Variants in FHIT observed in about 807,000 individuals in gnomAD.
FHIT encodes fragile histidine triad diadenosine triphosphatase, also known as bis(5'-adenosyl)-triphosphatase.
A neutral mutation model predicts 17.9 loss-of-function variants in FHIT; 19 were observed. The ratio of observed to expected loss-of-function variants is 1.06; its 90% CI spans 0.74 to 1.56. FHIT has a LOEUF of 1.56. Among genes scored for constraint, FHIT ranks in the 40% most tolerant of loss-of-function variants. The pLI is 0.00. For synonymous variants in FHIT, 81 were observed against 69.7 expected, an observed-to-expected ratio of 1.16 and a Z score of -0.81; for missense variants, 248 against 189.2, an observed-to-expected ratio of 1.31 and a Z score of -1.82.
intron 4 of FHIT, among the ~76,000 whole-genome samples, chr3:60,618,487 C>G (rs782005580): frequency 2.6e-5 from 4 of 152,094 alleles, no homozygotes; most frequent in African/African-American, 4.8e-5. Context: ...CATGTGTTGA[C>G]GTGTGCTCAT....
intron 1 of FHIT, among the ~76,000 whole-genome samples, chr3:61,201,833 A>G (rs967909146): frequency 9.2e-5 from 14 of 152,160 alleles, no homozygotes; most frequent in Admixed American, 7.2e-4. Flanking sequence ...CATTTGTGAA[A>G]TCTAAGAGAT....
chr3:60,340,074 A>AT (rs557226680), intron 5 of FHIT, among the ~76,000 whole-genome samples: 4 of 152,000 alleles, frequency 2.6e-5, no homozygotes, highest in Admixed American at 6.6e-5. Context: ...GGGGTGTTTA[A>AT]TTTTTTTTAA....
At chr3:59,937,383 G>GAAATGTGTT (rs1706294203) in intron 7 of FHIT, among the ~76,000 whole-genome samples, 1 of 152,162 alleles carries the variant, frequency 6.6e-6, no homozygotes, top group Non-Finnish European at 1.5e-5. Context: ...GAGCGGTGAT[G>GAAATGTGTT]AAATGTGTTA....
chr3:60,177,261 A>G (rs553327453), intron 5 of FHIT, among the ~76,000 whole-genome samples: 50 of 151,198 alleles, frequency 3.3e-4, no homozygotes, highest in Non-Finnish European at 6.5e-4. Context: ...ACAATAAGCC[A>G]AGGTTAAAAA....
At chr3:60,857,588 T>C (rs1947159) in intron 3 of FHIT, among the ~76,000 whole-genome samples, 30,915 of 152,094 alleles carry the variant, frequency 0.2, 3,388 homozygotes, top group Middle Eastern at 0.27. Context: ...CAATAAATGT[T>C]ATAAAGAGTT....
At chr3:60,027,648 G>T (rs188350276) in intron 5 of FHIT, among the ~76,000 whole-genome samples, 2,843 of 148,372 alleles carry the variant, frequency 0.019, 46 homozygotes, top group Middle Eastern at 0.052. Context: ...TTTCTATAAG[G>T]AAAAAAAACC....
intron 5 of FHIT, among the ~76,000 whole-genome samples, chr3:60,278,573 A>C (rs1707282312): frequency 6.6e-6 from 1 of 152,138 alleles, no homozygotes; most frequent in Non-Finnish European, 1.5e-5. Flanking sequence ...AAACACACAG[A>C]CTCTATTGAA....
At chr3:60,073,319 G>C (rs73830679) in intron 5 of FHIT, among the ~76,000 whole-genome samples, 1 of 151,972 alleles carries the variant, frequency 6.6e-6, no homozygotes, top group East Asian at 1.9e-4. Context: ...TATTGGGAAA[G>C]GGGATTGCCT....
At chr3:59,846,022 AT>A (rs970489083) in intron 8 of FHIT, among the ~76,000 whole-genome samples, 2 of 152,092 alleles carry the variant, frequency 1.3e-5, no homozygotes, top group African/African-American at 4.8e-5. Flanking sequence ...TTGGATTATG[AT>A]TTTTTAAAAC....
chr3:60,854,961 T>C (rs533512685), intron 3 of FHIT, among the ~76,000 whole-genome samples: 1 of 152,254 alleles, frequency 6.6e-6, no homozygotes, highest in African/African-American at 2.4e-5. Flanking sequence ...TGCCTCTTCC[T>C]ATCTAGGGAG....
At chr3:60,900,837 G>T (rs142713298) in intron 3 of FHIT, among the ~76,000 whole-genome samples, 2,091 of 152,064 alleles carry the variant, frequency 0.014, 48 homozygotes, top group African/African-American at 0.048. Flanking sequence ...GAGTGCAGTC[G>T]TGCGATCTCA....
intron 5 of FHIT, among the ~76,000 whole-genome samples, chr3:60,453,446 T>TCC (rs1559926863): frequency 6.6e-6 from 1 of 152,150 alleles, no homozygotes; most frequent in East Asian, 1.9e-4. Context: ...CTCCAATGCC[T>TCC]CCGCCAGGCC....
intron 2 of FHIT, among the ~76,000 whole-genome samples, chr3:61,186,493 A>T (rs1221762146): frequency 2.6e-5 from 4 of 152,226 alleles, no homozygotes; most frequent in Admixed American, 1.3e-4. Context: ...TTGCACGGGT[A>T]GCCATAGCTG....
intron 3 of FHIT, among the ~76,000 whole-genome samples, chr3:60,967,167 C>T (rs1559873764): frequency 6.6e-6 from 1 of 152,126 alleles, no homozygotes; most frequent in Admixed American, 6.5e-5. Context: ...CATTTTTCAT[C>T]AGCAGTAGTA....
chr3:61,202,962 C>T (rs1049470166), intron 1 of FHIT, among the ~76,000 whole-genome samples: 5 of 152,020 alleles, frequency 3.3e-5, no homozygotes, highest in East Asian at 3.9e-4. Flanking sequence ...AGGCAGATCA[C>T]GAGGTCAGGA....
At chr3:61,232,291 G>T (rs542161071) in intron 1 of FHIT, among the ~76,000 whole-genome samples, 19 of 152,340 alleles carry the variant, frequency 1.2e-4, no homozygotes, top group African/African-American at 4.6e-4. Context: ...GGAGGCTGAG[G>T]CACGAGAATC....
intron 5 of FHIT, among the ~76,000 whole-genome samples, chr3:60,428,167 T>C (rs1261527734): frequency 3.9e-5 from 6 of 152,130 alleles, no homozygotes; most frequent in Non-Finnish European, 8.8e-5. Context: ...GTCCAATACA[T>C]GTAAGTTTCC....
chr3:60,733,547 C>T (rs147465534), intron 4 of FHIT, among the ~76,000 whole-genome samples: 26 of 152,308 alleles, frequency 1.7e-4, no homozygotes, highest in Middle Eastern at 3.4e-3. Context: ...ACTACACCCA[C>T]CTCAACCAAC....
At chr3:60,699,372 C>G (rs1228825800) in intron 4 of FHIT, among the ~76,000 whole-genome samples, 3 of 152,130 alleles carry the variant, frequency 2.0e-5, no homozygotes, top group East Asian at 1.9e-4. Context: ...AGATTTCCCT[C>G]TACTGTATAA....
Sources: gnomAD v4.1 joint callset for allele counts (sites outside exome capture counted in the v4.1 genomes callset) on GRCh38, gnomAD v4.1.1 for gene constraint, MANE v1.5 for transcripts, NCBI Gene and HGNC (gene_info 2026-07-23, HGNC 2026-07-21) for gene names.